COBL: variants seen among roughly 807,000 people sequenced by gnomAD.
COBL encodes the protein protein cordon-bleu.
A neutral mutation model predicts 98.8 loss-of-function variants in COBL; 51 were observed. That is an observed-to-expected ratio of 0.52 (90% CI 0.41 to 0.65). COBL has a LOEUF of 0.65. COBL is among the 30% of genes least tolerant of loss of function. COBL has a pLI of 0.00. For synonymous variants in COBL, 634 were observed against 651.7 expected (o/e 0.97, Z 0.41); for missense variants, 1,617 against 1,617.5 (o/e 1.00, Z 0.01).
intron 12 of COBL, chr7:51,021,003 A>G (rs1447809882): frequency 6.6e-6 from 1 of 152,190 alleles, no homozygotes; most frequent in Non-Finnish European, 1.5e-5. Flanking sequence ...TTTGCCTGCG[A>G]CTGTCCCAGA....
At chr7:51,154,917 T>C (rs1369531464) in intron 5 of COBL, among the ~76,000 whole-genome samples, 3 of 152,224 alleles carry the variant, frequency 2.0e-5, no homozygotes, top group East Asian at 1.9e-4. Flanking sequence ...TCAATTCTCA[T>C]TGGCTATACT....
At chr7:51,096,113 G>A (rs1795250605) in intron 6 of COBL, among the ~76,000 whole-genome samples, 1 of 152,012 alleles carries the variant, frequency 6.6e-6, no homozygotes. Context: ...CACATTTAAA[G>A]CCACAAAAGA....
At chr7:51,301,099 T>C (rs1801919189) in intron 1 of COBL, among the ~76,000 whole-genome samples, 1 of 152,102 alleles carries the variant, frequency 6.6e-6, no homozygotes, top group Non-Finnish European at 1.5e-5. Flanking sequence ...TGCGGTGGGA[T>C]ACACGCACCG....
At chr7:51,172,190 G>C (rs768114347) in intron 5 of COBL, among the ~76,000 whole-genome samples, 1 of 152,226 alleles carries the variant, frequency 6.6e-6, no homozygotes, top group Non-Finnish European at 1.5e-5. Context: ...GTAGTTTCGG[G>C]AAGCATGAAT....
chr7:51,049,077 T>C (rs1489157510), intron 7 of COBL, among the ~76,000 whole-genome samples: 1 of 152,220 alleles, frequency 6.6e-6, no homozygotes, highest in Non-Finnish European at 1.5e-5. Context: ...CAAAAATCAC[T>C]TCATTAATCT....
Position 51,119,615 on chromosome 7 carries a change from A to G in COBL, c.957+16543T>C, listed in dbSNP as rs550288398. Among the ~76,000 whole-genome samples the G allele has an allele frequency of 1.2e-4, 19 of 152,342 alleles. No homozygotes were observed. The South Asian group carries it at 3.9e-3, about 32-fold the overall frequency. ...AACAAGATTTTTGTATCACAAATAC[A>G]GGTCAAATGTCTGTGGAATTCAAGT... On this transcript the variant is annotated intron_variant, in intron 6 of 12. Transcript: ENST00000265136.
chr7:51,305,342 T>C (rs973432420), intron 1 of COBL, among the ~76,000 whole-genome samples: 3 of 152,210 alleles, frequency 2.0e-5, no homozygotes, highest in Admixed American at 6.5e-5. Flanking sequence ...ACTGTAAGAA[T>C]ACTATATAAT....
chr7:51,086,769 C>A (rs1583740451), intron 6 of COBL, among the ~76,000 whole-genome samples: 1 of 152,120 alleles, frequency 6.6e-6, no homozygotes, highest in Admixed American at 6.5e-5. Flanking sequence ...AAACTACTAA[C>A]AATTGGCATG....
At chr7:51,296,480 T>G (rs529923664) in intron 1 of COBL, among the ~76,000 whole-genome samples, 1 of 152,358 alleles carries the variant, frequency 6.6e-6, no homozygotes, top group African/African-American at 2.4e-5. Flanking sequence ...CTTTTGTTTT[T>G]GGTTTTGCTT....
intron 5 of COBL, among the ~76,000 whole-genome samples, chr7:51,154,231 G>A (rs1210324340): frequency 6.6e-6 from 1 of 152,220 alleles, no homozygotes; most frequent in African/African-American, 2.4e-5. Flanking sequence ...ATAGAAGGAA[G>A]CCAGAGGAAA....
intron 1 of COBL, among the ~76,000 whole-genome samples, chr7:51,265,399 A>C (rs570922559): frequency 6.6e-6 from 1 of 152,302 alleles, no homozygotes; most frequent in Admixed American, 6.5e-5. Flanking sequence ...CCCACCAGGC[A>C]AACCGCCACC....
chr7:51,224,717 G>A (rs990880248), intron 1 of COBL, among the ~76,000 whole-genome samples: 8 of 152,006 alleles, frequency 5.3e-5, no homozygotes, highest in Admixed American at 1.3e-4. Flanking sequence ...CGGCAATGGC[G>A]CAATCTTGGC....
chr7:51,312,356 G>T (rs750927749), intron 1 of COBL, among the ~76,000 whole-genome samples: 1 of 151,858 alleles, frequency 6.6e-6, no homozygotes, highest in Non-Finnish European at 1.5e-5. Context: ...AATAAATACA[G>T]GAACTCTTAG....
intron 6 of COBL, among the ~76,000 whole-genome samples, chr7:51,103,285 ATG>A (rs1795970931): frequency 6.6e-6 from 1 of 152,134 alleles, no homozygotes; most frequent in Non-Finnish European, 1.5e-5. Context: ...CTTATTATTT[ATG>A]TGTTTGTGTG....
At position 51,132,833 on chromosome 7, in the gene COBL, C is replaced by T. The variant is rs1248507069; in HGVS notation, c.957+3325G>A. 3.3e-5 allele frequency among the ~76,000 whole-genome samples: 5 copies of T among 152,106 alleles called. No individual in the cohort carries two copies. The East Asian group carries it at 9.7e-4, about 30-fold the overall frequency. ...GAGAGAGGGAGCAAGGACGGAGGGGCTGCCACACACTTTTAAACAATCAGA... is the reference window on the plus strand; with the variant it reads ...GAGAGAGGGAGCAAGGACGGAGGGGTTGCCACACACTTTTAAACAATCAGA... On this transcript the variant is annotated intron_variant, in intron 6 of 12. Coordinates refer to ENST00000265136, the MANE Select transcript of COBL (RefSeq NM_015198.5).
At chr7:51,078,629 G>A (rs1332504586) in intron 7 of COBL, among the ~76,000 whole-genome samples, 2 of 152,198 alleles carry the variant, frequency 1.3e-5, no homozygotes, top group Non-Finnish European at 2.9e-5. Flanking sequence ...AGTAAGCATT[G>A]ACTATTCCAT....
intron 8 of COBL, among the ~76,000 whole-genome samples, chr7:51,040,192 T>TAA (rs34239803): frequency 1.4e-4 from 19 of 139,158 alleles, no homozygotes; most frequent in Non-Finnish European, 2.1e-4. Context: ...TAATTTCTGT[T>TAA]AAAAAAAAAA....
chr7:51,127,964 T>C (rs1458047209), intron 6 of COBL, among the ~76,000 whole-genome samples: 1 of 152,184 alleles, frequency 6.6e-6, no homozygotes, highest in Middle Eastern at 3.2e-3. Flanking sequence ...GGTTATTCAG[T>C]TCACAGTGGA....
chr7:51,108,257 G>A (rs1215605426), intron 6 of COBL, among the ~76,000 whole-genome samples: 1 of 152,200 alleles, frequency 6.6e-6, no homozygotes, highest in Non-Finnish European at 1.5e-5. Context: ...GGCTCTGCCT[G>A]TTTTGGGGCT....
Sources: gnomAD v4.1 joint callset for allele counts (sites outside exome capture counted in the v4.1 genomes callset) on GRCh38, gnomAD v4.1.1 for gene constraint, MANE v1.5 for transcripts, NCBI Gene and HGNC (gene_info 2026-07-23, HGNC 2026-07-21) for gene names.